SPATS2: variants seen among roughly 807,000 people sequenced by gnomAD.
The protein encoded by SPATS2 is spermatogenesis-associated serine-rich protein 2.
Under a neutral mutation model 63.7 loss-of-function variants are expected in SPATS2, and 38 were observed. The ratio of observed to expected loss-of-function variants is 0.60; its 90% CI spans 0.46 to 0.78. The LOEUF (loss-of-function observed/expected upper bound fraction) is 0.78, where lower values mean the gene tolerates loss of function less well. Ranked by LOEUF, SPATS2 falls within the 30% of genes least tolerant of loss-of-function variation. The pLI is 0.00. For synonymous variants in SPATS2, 207 were observed against 232.9 expected, an observed-to-expected ratio of 0.89 and a Z score of 1.01; for missense variants, 588 against 666.2, an observed-to-expected ratio of 0.88 and a Z score of 1.29.
At chr12:49,419,404 T>G (rs923631950) in intron 2 of SPATS2, among the ~76,000 whole-genome samples, 5 of 152,238 alleles carry the variant, frequency 3.3e-5, no homozygotes, top group African/African-American at 1.2e-4. Flanking sequence ...GAATGCTAAG[T>G]ATAAAGATTT....
chr12:49,519,864 G>T (rs1946910479), intron 11 of SPATS2, among the ~76,000 whole-genome samples: 1 of 150,700 alleles, frequency 6.6e-6, no homozygotes, highest in Non-Finnish European at 1.5e-5. Context: ...CCAGGCTGGA[G>T]TGCAATGGCG....
intron 13 of SPATS2, among the ~76,000 whole-genome samples, chr12:49,525,694 C>G (rs905572244): frequency 1.9e-4 from 29 of 152,166 alleles, no homozygotes; most frequent in African/African-American, 7.0e-4. Context: ...TATCTTTCTT[C>G]TTGCATCCAG....
At chr12:49,486,184 T>C (rs2137847526) in intron 4 of SPATS2, 2 of 451,128 alleles carry the variant, frequency 4.4e-6, no homozygotes, top group Middle Eastern at 7.0e-4. Flanking sequence ...GTTTGGTGCC[T>C]TTTGTTGTTG....
At chr12:49,383,596 C>G (rs1346693535) in intron 2 of SPATS2, among the ~76,000 whole-genome samples, 3 of 151,532 alleles carry the variant, frequency 2.0e-5, no homozygotes, top group African/African-American at 7.3e-5. Flanking sequence ...AAGTCGAGGT[C>G]TCACTGTATT....
intron 2 of SPATS2, among the ~76,000 whole-genome samples, chr12:49,437,327 C>T (rs1327929615): frequency 1.3e-5 from 2 of 151,206 alleles, no homozygotes; most frequent in African/African-American, 4.9e-5. Context: ...CGGGCAGAGA[C>T]GCTCCTCACT....
At chr12:49,504,211 C>T (rs1360235444) in intron 9 of SPATS2, among the ~76,000 whole-genome samples, 1 of 152,194 alleles carries the variant, frequency 6.6e-6, no homozygotes, top group African/African-American at 2.4e-5. Flanking sequence ...TTACCCCTGA[C>T]AAGGCACTAG....
intron 2 of SPATS2, among the ~76,000 whole-genome samples, chr12:49,414,930 TTTTTCTTTTC>T (rs1453353816): frequency 1.4e-5 from 2 of 146,554 alleles, no homozygotes; most frequent in Non-Finnish European, 3.0e-5. Context: ...TCTTTTTTTC[TTTTTCTTTTC>T]TTTTTTTTTT....
intron 3 of SPATS2, among the ~76,000 whole-genome samples, chr12:49,473,495 T>C (rs1196572750): frequency 6.6e-6 from 1 of 152,206 alleles, no homozygotes; most frequent in Non-Finnish European, 1.5e-5. Context: ...AAAAACTGTT[T>C]GACAGTATGT....
intron 2 of SPATS2, among the ~76,000 whole-genome samples, chr12:49,405,941 A>T (rs1201002108): frequency 6.6e-6 from 1 of 152,210 alleles, no homozygotes; most frequent in Non-Finnish European, 1.5e-5. Flanking sequence ...ATACTTTAAA[A>T]CATGACATTT....
rs752799964 is a variant in SPATS2, at chr12:49,514,651, A to G, written c.898+38A>G. 1.1e-5 allele frequency: 17 copies of G among 1,589,816 alleles called. No individual in the cohort carries two copies. In the Admixed American group the frequency reaches 2.5e-4, roughly 24 times the overall value. The stretch of plus-strand genomic sequence containing the variant: ...ATCTTTAATTAAAGCTATTACCTTC[A>G]TAAATAGTAGGTACCTACTTCCCAA... On this transcript the variant is annotated intron_variant, in intron 10 of 13. Coordinates refer to ENST00000552918, the MANE Select transcript of SPATS2 (RefSeq NM_023071.4).
At chr12:49,370,011 G>A (rs1251451461) in intron 1 of SPATS2, among the ~76,000 whole-genome samples, 3 of 152,222 alleles carry the variant, frequency 2.0e-5, no homozygotes, top group Non-Finnish European at 2.9e-5. Context: ...GCCTGAGGGA[G>A]GAGCCACAGG....
chr12:49,386,250 C>T (rs1386725577), intron 2 of SPATS2, among the ~76,000 whole-genome samples: 2 of 152,002 alleles, frequency 1.3e-5, no homozygotes, highest in East Asian at 1.9e-4. Context: ...CTGCAACCTC[C>T]GCCTCCTTGG....
intron 9 of SPATS2, among the ~76,000 whole-genome samples, chr12:49,510,432 C>T (rs969850869): frequency 2.0e-5 from 3 of 149,850 alleles, no homozygotes; most frequent in Non-Finnish European, 4.4e-5. Context: ...GGCATGGTAG[C>T]TCGTGCCTGT....
chr12:49,419,074 G>T (rs1049210177), intron 2 of SPATS2, among the ~76,000 whole-genome samples: 2 of 152,114 alleles, frequency 1.3e-5, no homozygotes, highest in African/African-American at 4.8e-5. Context: ...CCCTCCCAAG[G>T]TTCCTGAGTG....
At chr12:49,404,254 A>G (rs1345515675) in intron 2 of SPATS2, among the ~76,000 whole-genome samples, 2 of 151,590 alleles carry the variant, frequency 1.3e-5, no homozygotes, top group Admixed American at 6.6e-5. Context: ...GGGAAAGAGT[A>G]CAGGTTCTAG....
At chr12:49,387,501 G>GTGA (rs1253982514) in intron 2 of SPATS2, among the ~76,000 whole-genome samples, 1 of 151,982 alleles carries the variant, frequency 6.6e-6, no homozygotes, top group Non-Finnish European at 1.5e-5. Flanking sequence ...GCCAGGCGCG[G>GTGA]TGATGCACTC....
intron 2 of SPATS2, among the ~76,000 whole-genome samples, chr12:49,405,830 C>G (rs1592366465): frequency 6.6e-6 from 1 of 152,314 alleles, no homozygotes; most frequent in East Asian, 1.9e-4. Context: ...TATATAATTT[C>G]ATCTGCCTTC....
intron 9 of SPATS2, among the ~76,000 whole-genome samples, chr12:49,501,321 C>T (rs1011726921): frequency 1.3e-5 from 2 of 152,116 alleles, no homozygotes; most frequent in Non-Finnish European, 2.9e-5. Flanking sequence ...CATTCCATGG[C>T]AGATGGCAGA....
rs765195467 is a variant in SPATS2, at chr12:49,519,130, T to C, written c.956T>C (p.Val319Ala). The change falls in exon 11 of 14, where the codon GTG (valine) becomes GCG (alanine). Residue 319 changes from valine to alanine, a missense_variant. Transcript: ENST00000552918. ...KAELLKKMTH[V>A]AVQMSEQQLV... The stretch of plus-strand genomic sequence containing the variant: ...GAACTTCTAAAGAAGATGACTCATG[T>C]GGCTGTTCAAATGTCAGAGCAGCAA... 4 of 1,614,066 alleles carry C rather than the reference T, an allele frequency of 2.5e-6. No homozygotes were observed. The African/African-American group carries it at 5.3e-5, about 22-fold the overall frequency.
Sources: gnomAD v4.1 joint callset for allele counts (sites outside exome capture counted in the v4.1 genomes callset) on GRCh38, gnomAD v4.1.1 for gene constraint, MANE v1.5 for transcripts, NCBI Gene and HGNC (gene_info 2026-07-23, HGNC 2026-07-21) for gene names.